The following SYCP2L variants were observed in gnomAD, a reference collection of about 807,000 sequenced individuals.
SYCP2L encodes the protein synaptonemal complex protein 2-like.
In SYCP2L, 98 loss-of-function variants were observed where a neutral mutation model predicts 125.8. That is an observed-to-expected ratio of 0.78 (90% CI 0.66 to 0.92). The LOEUF is 0.92. Ranked by LOEUF, SYCP2L falls within the 40% of genes least tolerant of loss-of-function variation. SYCP2L has a pLI of 0.00. For synonymous variants in SYCP2L, 317 were observed against 325.4 expected, an observed-to-expected ratio of 0.97 and a Z score of 0.28; for missense variants, 842 against 936.4, an observed-to-expected ratio of 0.90 and a Z score of 1.32.
intron 21 of SYCP2L, among the ~76,000 whole-genome samples, chr6:10,938,491 A>G (rs1386942604): frequency 1.3e-5 from 2 of 152,208 alleles, no homozygotes; most frequent in Non-Finnish European, 2.9e-5. Flanking sequence ...CTCTAAGATC[A>G]GGAATACGAC....
At chr6:10,966,620 G>A (rs1781682362) in intron 29 of SYCP2L, among the ~76,000 whole-genome samples, 1 of 151,998 alleles carries the variant, frequency 6.6e-6, no homozygotes, top group Admixed American at 6.5e-5. Context: ...CAAGGACAGG[G>A]GAAAAAGTAG....
chr6:10,926,784 T>TTC (rs1780905194), intron 16 of SYCP2L, among the ~76,000 whole-genome samples: 1 of 149,700 alleles, frequency 6.7e-6, no homozygotes, highest in Non-Finnish European at 1.5e-5. Flanking sequence ...TTCTTTTCTT[T>TTC]TTTTTTTTTT....
chr6:10,896,266 C>T (rs957740034), intron 4 of SYCP2L, among the ~76,000 whole-genome samples: 1 of 152,206 alleles, frequency 6.6e-6, no homozygotes, highest in Non-Finnish European at 1.5e-5. Flanking sequence ...TGTCTGGCTT[C>T]TGTAGTGATA....
chr6:10,914,410 T>TGTA (rs1392826736), intron 14 of SYCP2L, among the ~76,000 whole-genome samples: 1 of 152,218 alleles, frequency 6.6e-6, no homozygotes, highest in African/African-American at 2.4e-5. Flanking sequence ...ACTATGGCCT[T>TGTA]GTAGTATAGT....
chr6:10,971,931 C>T (rs1289185507), intron 29 of SYCP2L, among the ~76,000 whole-genome samples: 1 of 152,126 alleles, frequency 6.6e-6, no homozygotes, highest in Non-Finnish European at 1.5e-5. Flanking sequence ...CCACTTTGGC[C>T]TCCCAAAGTG....
At chr6:10,948,781 T>C (rs1781359976) in intron 23 of SYCP2L, among the ~76,000 whole-genome samples, 2 of 152,164 alleles carry the variant, frequency 1.3e-5, no homozygotes, top group East Asian at 3.9e-4. Flanking sequence ...TGATAAAAAC[T>C]AACTATTTTT....
intron 1 of SYCP2L, among the ~76,000 whole-genome samples, chr6:10,889,962 AGT>A (rs1475965314): frequency 6.6e-6 from 1 of 152,150 alleles, no homozygotes; most frequent in East Asian, 1.9e-4. Context: ...AAGAACATGC[AGT>A]GTGTCTGTCT....
At chr6:10,897,639 T>G (rs1404437259) in intron 4 of SYCP2L, among the ~76,000 whole-genome samples, 1 of 152,198 alleles carries the variant, frequency 6.6e-6, no homozygotes, top group African/African-American at 2.4e-5. Flanking sequence ...CTTGAACTCC[T>G]GGCCTCAAGT....
chr6:10,959,869 C>CAAAAA (rs201059528), intron 26 of SYCP2L, among the ~76,000 whole-genome samples: 3 of 126,230 alleles, frequency 2.4e-5, no homozygotes, highest in Non-Finnish European at 3.3e-5. Context: ...AACTCTGTCT[C>CAAAAA]AAAAAAAAAA....
intron 20 of SYCP2L, among the ~76,000 whole-genome samples, chr6:10,934,234 T>C (rs1781052762): frequency 6.6e-6 from 1 of 152,272 alleles, no homozygotes; most frequent in Non-Finnish European, 1.5e-5. Flanking sequence ...GTCTTTAAGG[T>C]AATTTTAAAT....
At chr6:10,958,703 C>T (rs769262353) in intron 25 of SYCP2L, 81 bp from the exon 26 acceptor site, 58 of 1,281,892 alleles carry the variant, frequency 4.5e-5, no homozygotes, top group Non-Finnish European at 6.2e-5. Flanking sequence ...ATGCTGGCAG[C>T]ATCTTTTTAA....
intron 25 of SYCP2L, among the ~76,000 whole-genome samples, chr6:10,958,505 G>T (rs1313312380): frequency 6.6e-6 from 1 of 152,032 alleles, no homozygotes; most frequent in East Asian, 1.9e-4. Context: ...CCAGTATCGG[G>T]GATTACATTT....
intron 14 of SYCP2L, chr6:10,922,836 GA>G (rs1366606795): frequency 3.3e-5 from 5 of 151,838 alleles, no homozygotes; most frequent in Admixed American, 6.6e-5. Context: ...TCACATTAAA[GA>G]AAAAAGTAGA....
Position 10,960,279 on chromosome 6 carries a change from C to CTGG in SYCP2L, c.2256-1023_2256-1021dup, listed in dbSNP as rs565520138. On this transcript the variant is annotated intron_variant, in intron 26 of 29. Transcript: ENST00000283141. ...AGAAATTTTTACTATTTTTCAAAGTCTGGTGTGCATGCAATGTCCTTTGAA... is the reference window on the plus strand; with the variant it reads ...AGAAATTTTTACTATTTTTCAAAGTCTGGTGGTGTGCATGCAATGTCCTTTGAA... 1.1e-4 allele frequency among the ~76,000 whole-genome samples: 17 copies of CTGG among 152,272 alleles called. 2 individuals are homozygous for CTGG. In the South Asian group the frequency reaches 3.5e-3, roughly 32 times the overall value.
intron 8 of SYCP2L, 67 bp downstream of exon 8, chr6:10,903,030 G>T: frequency 1.5e-6 from 2 of 1,321,214 alleles, no homozygotes; most frequent in Non-Finnish European, 2.2e-6. Flanking sequence ...TATGGCTTCA[G>T]TCTGTGTTCT....
At chr6:10,903,775 A>T (rs528149227) in intron 8 of SYCP2L, among the ~76,000 whole-genome samples, 1 of 152,062 alleles carries the variant, frequency 6.6e-6, no homozygotes, top group East Asian at 1.9e-4. Flanking sequence ...AAATAAAAAT[A>T]AAAAAATAAA....
intron 9 of SYCP2L, 141 bp downstream of exon 9, chr6:10,906,195 A>C (rs1780485395): frequency 1.9e-6 from 1 of 519,094 alleles, no homozygotes; most frequent in Non-Finnish European, 3.4e-6. Flanking sequence ...TTATTTTGAG[A>C]GATTTTAGCA....
At chr6:10,931,701 A>G (rs536870764) in intron 20 of SYCP2L, among the ~76,000 whole-genome samples, 17 of 152,318 alleles carry the variant, frequency 1.1e-4, no homozygotes, top group African/African-American at 3.4e-4. Flanking sequence ...GTGGTGGCTC[A>G]CGCCTGTAAT....
intron 14 of SYCP2L, among the ~76,000 whole-genome samples, chr6:10,919,046 T>A (rs1780741126): frequency 6.6e-6 from 1 of 152,254 alleles, no homozygotes. Flanking sequence ...ATTAGCTTAA[T>A]AACTAACCTC....
Sources: allele counts gnomAD v4.1 joint callset (sites outside exome capture counted in the v4.1 genomes callset), GRCh38; gene constraint gnomAD v4.1.1; transcripts MANE v1.5; gene names NCBI Gene and HGNC (gene_info 2026-07-23, HGNC 2026-07-21).